Variants in AGT observed in about 807,000 individuals in gnomAD.
AGT encodes the protein alpha-1 antiproteinase, antitrypsin.
In AGT, 26 loss-of-function variants were observed where a neutral mutation model predicts 28.1. That is an observed-to-expected ratio of 0.92 (90% CI 0.68 to 1.28). The LOEUF is 1.28. Ranked by LOEUF, AGT falls within the 50% of genes most tolerant of loss-of-function variation. AGT has a pLI of 0.00. For synonymous variants in AGT, 259 were observed against 259.6 expected (o/e 1.00, Z 0.02); for missense variants, 596 against 592.3 (o/e 1.01, Z -0.06).
chr1:230,706,042 T>C lies in AGT; in HGVS notation c.988A>G (p.Ser330Gly). Residue 330 changes from serine to glycine, a missense_variant, in exon 3 of 5, where the codon AGC becomes GGC. By Grantham distance (56) the Ser-to-Gly change is moderately conservative. Coordinates refer to ENST00000366667, the MANE Select transcript of AGT (RefSeq NM_001384479.1). ...FSVTQVPFTE[S>G]ACLLLIQPHY... ...GGCTGGATCAGCAGCAGGCAGGCGCTCTCAGTGAAGGGCACTTGAGTCACC... is the reference window on the plus strand; with the variant it reads ...GGCTGGATCAGCAGCAGGCAGGCGCCCTCAGTGAAGGGCACTTGAGTCACC... The C allele has an allele frequency of 6.2e-7, 1 of 1,614,046 alleles. No individual in the cohort carries two copies. Among genetic ancestry groups the C allele is most frequent in the African/African-American group, 1.3e-5 (1 of 74,990 alleles).
rs1038351739 is a variant in AGT at position 230,710,343 on chromosome 1, T to C, written c.481A>G (p.Asn161Asp). The change falls in exon 2 of 5, where the codon AAC becomes GAC. Residue 161 changes from asparagine to aspartate, a missense_variant. Coordinates refer to ENST00000366667, the MANE Select transcript of AGT (RefSeq NM_001384479.1). ...TGCGCATCCAGCCGGGAGGTGCAGT[T>C]CTTGTCCTTCCAAGGAACACCCAGG... ...AILGVPWKDK[N>D]CTSRLDAHKV... 1.9e-6 allele frequency: 3 copies of C among 1,613,992 alleles called. No individual in the cohort carries two copies. The highest frequency in any genetic ancestry group is 2.7e-5 in the African/African-American group (2 of 74,920).
chr1:230,745,088 A>C (rs1177749666), intron 1 of AGT, among the ~76,000 whole-genome samples: 1 of 152,266 alleles, frequency 6.6e-6, no homozygotes, highest in Non-Finnish European at 1.5e-5. Context: ...TGGACTGGCC[A>C]GAACTGCACT....
rs1663573571 is a variant in AGT, at chr1:230,710,958, C to G, written c.-30-105G>C. 3 of 1,410,462 alleles carry G rather than the reference C, an allele frequency of 2.1e-6. No individual in the cohort carries two copies. In the Admixed American group the frequency reaches 5.4e-5, roughly 26 times the overall value. The allele number at this position is 1,410,462 out of a possible 1,614,324, so 87.4% of individuals were successfully genotyped here. ...TCAATATTCCCTGTCACCATTTAGC[C>G]CAGAATAAATCCATTCATGTCTACA... On this transcript the variant is annotated intron_variant, in intron 1 of 4. Transcript: ENST00000366667.
chr1:230,719,649 C>T (rs1458430748), intron 1 of AGT, among the ~76,000 whole-genome samples: 5 of 151,988 alleles, frequency 3.3e-5, no homozygotes, highest in African/African-American at 7.3e-5. Context: ...CCTCGTGATC[C>T]GCCTGCCTCG....
chr1:230,734,859 G>A (rs559988574), intron 1 of AGT, among the ~76,000 whole-genome samples: 17 of 152,042 alleles, frequency 1.1e-4, no homozygotes, highest in South Asian at 2.1e-4. Context: ...ACAGGCGCCT[G>A]CCACCACGCC....
intron 1 of AGT, among the ~76,000 whole-genome samples, chr1:230,720,336 C>A (rs1329684823): frequency 6.6e-6 from 1 of 152,184 alleles, no homozygotes; most frequent in Non-Finnish European, 1.5e-5. Flanking sequence ...TTACTGACTT[C>A]TTTAATCCTT....
intron 1 of AGT, among the ~76,000 whole-genome samples, chr1:230,734,961 A>T (rs954124756): frequency 7.2e-5 from 11 of 151,942 alleles, no homozygotes; most frequent in South Asian, 6.3e-4. Flanking sequence ...TGATCTGCCC[A>T]CCTTGGCCTC....
intron 1 of AGT, among the ~76,000 whole-genome samples, chr1:230,731,416 C>T (rs1664053478): frequency 6.6e-6 from 1 of 152,168 alleles, no homozygotes; most frequent in African/African-American, 2.4e-5. Flanking sequence ...AGGAAAACTC[C>T]CCAAGGCTGC....
At chr1:230,722,361 G>A (rs1663863981) in intron 1 of AGT, among the ~76,000 whole-genome samples, 1 of 152,248 alleles carries the variant, frequency 6.6e-6, no homozygotes, top group South Asian at 2.1e-4. Flanking sequence ...GGGCAATGTG[G>A]AAGGGAAATG....
intron 1 of AGT, among the ~76,000 whole-genome samples, chr1:230,742,143 C>T (rs932846756): frequency 1.3e-5 from 2 of 152,146 alleles, no homozygotes; most frequent in Non-Finnish European, 2.9e-5. Flanking sequence ...AGTCTCCCCA[C>T]ATTCCTCTAC....
chr1:230,723,835 G>A (rs538633361), intron 1 of AGT, among the ~76,000 whole-genome samples: 2 of 152,230 alleles, frequency 1.3e-5, no homozygotes, highest in African/African-American at 2.4e-5. Context: ...AATTGTATAT[G>A]AGCCTGGTGA....
intron 1 of AGT, among the ~76,000 whole-genome samples, chr1:230,730,805 A>G (rs1472361798): frequency 6.6e-6 from 1 of 152,226 alleles, no homozygotes; most frequent in African/African-American, 2.4e-5. Flanking sequence ...CTGTTGAAGA[A>G]AGAAAATAAC....
intron 1 of AGT, among the ~76,000 whole-genome samples, chr1:230,737,626 A>G (rs1166257390): frequency 6.6e-6 from 1 of 151,654 alleles, no homozygotes; most frequent in Non-Finnish European, 1.5e-5. Context: ...TATTATTATT[A>G]TCATTATTGC....
upstream of AGT, among the ~76,000 whole-genome samples, chr1:230,718,894 T>C (rs1185523402): frequency 6.6e-6 from 1 of 151,984 alleles, no homozygotes; most frequent in Non-Finnish European, 1.5e-5. Context: ...CCTGGCCAAC[T>C]TTTTTGTACT....
At position 230,737,942 on chromosome 1, in the gene AGT, G is replaced by A. The variant is rs566607743; in HGVS notation, c.-31+7573C>T. ...CCACTAATGACTTCCTGTCTCCATAGATTTCCATAGTCTGTTGTCCTTTGT... is the reference window on the plus strand; with the variant it reads ...CCACTAATGACTTCCTGTCTCCATAAATTTCCATAGTCTGTTGTCCTTTGT... On this transcript the variant is annotated intron_variant, in intron 1 of 4. Transcript: ENST00000681269. 2.8e-4 allele frequency among the ~76,000 whole-genome samples: 43 copies of A among 150,918 alleles called. No homozygotes were observed. In the South Asian group the frequency reaches 9.0e-3, roughly 31 times the overall value.
chr1:230,710,835 G>T lies in AGT; in HGVS notation c.-12C>A, dbSNP rs762830258. 11 of 1,613,500 alleles carry T rather than the reference G, an allele frequency of 6.8e-6. No homozygotes were observed. The highest frequency in any genetic ancestry group is 3.3e-5 in the South Asian group (3 of 91,086). The stretch of plus-strand genomic sequence containing the variant: ...CCGGCAGGAGCCATCTCAGACTGGG[G>T]TGCTCGCTTCCGCATACCCTGAAAT... On this transcript the variant is annotated 5_prime_UTR_variant, in exon 2 of 5. Transcript: ENST00000366667.
At chr1:230,731,227 C>A (rs78086830) in intron 1 of AGT, among the ~76,000 whole-genome samples, 1 of 152,186 alleles carries the variant, frequency 6.6e-6, no homozygotes, top group Non-Finnish European at 1.5e-5. Flanking sequence ...AATCACACTT[C>A]GTGCTTCAGC....
At position 230,710,733 on chromosome 1, in the gene AGT, G is replaced by T. The variant is rs912101022; in HGVS notation, c.91C>A (p.Pro31Thr). ...LAAGDRVYIH[P>T]FHLVIHNEST... Reference sequence around the variant, plus strand: ...TCATTGTGGATGACGAGGTGGAAGGGGTGTATGTACACCCGGTCACCTGCA... The same window carrying T: ...TCATTGTGGATGACGAGGTGGAAGGTGTGTATGTACACCCGGTCACCTGCA... Residue 31 changes from proline (P) to threonine (T), a missense_variant, in exon 2 of 5, where the codon CCC (proline) becomes ACC (threonine). Coordinates refer to ENST00000366667, the MANE Select transcript of AGT (RefSeq NM_001384479.1). 7 of 1,614,036 alleles carry T rather than the reference G, an allele frequency of 4.3e-6. No homozygotes were observed. Among genetic ancestry groups the T allele is most frequent in the African/African-American group, 1.3e-5 (1 of 74,934 alleles).
At chr1:230,720,659 C>T (rs552184563) in intron 1 of AGT, among the ~76,000 whole-genome samples, 1 of 152,350 alleles carries the variant, frequency 6.6e-6, no homozygotes, top group South Asian at 2.1e-4. Context: ...ACCTATTTTA[C>T]ATATACCTGT....
Sources: allele counts gnomAD v4.1 joint callset (sites outside exome capture counted in the v4.1 genomes callset), GRCh38; gene constraint gnomAD v4.1.1; transcripts MANE v1.5; gene names NCBI Gene and HGNC (gene_info 2026-07-23, HGNC 2026-07-21).